The following MDGA2 variants were observed in gnomAD, a reference collection of about 807,000 sequenced individuals.
MDGA2 encodes MAM domain containing glycosylphosphatidylinositol anchor 2, also known as MAM domain-containing glycosylphosphatidylinositol anchor protein 2.
MDGA2 carries 40 observed loss-of-function variants against 117.8 expected under a neutral mutation model. The observed-to-expected ratio is 0.34, with a 90% CI of 0.26 to 0.44. MDGA2 has a LOEUF of 0.44. Among genes scored for constraint, MDGA2 ranks in the 20% least tolerant of loss-of-function variants. The pLI is 1.00. For synonymous variants in MDGA2, 452 were observed against 439.0 expected, an observed-to-expected ratio of 1.03 and a Z score of -0.37; for missense variants, 1,123 against 1,250.6, an observed-to-expected ratio of 0.90 and a Z score of 1.54.
At chr14:46,989,454 G>C (rs74572904) in intron 8 of MDGA2, among the ~76,000 whole-genome samples, 1,764 of 152,144 alleles carry the variant, frequency 0.012, 47 homozygotes, top group African/African-American at 0.04. Context: ...CATCTTGGCA[G>C]GTGACAATAT....
rs1883562854 is a variant in MDGA2 at position 47,159,974 on chromosome 14, A to G, written c.596-15700T>C. Among the ~76,000 whole-genome samples, 4 of 152,184 alleles carry G rather than the reference A, an allele frequency of 2.6e-5. No individual in the cohort carries two copies. The South Asian group carries it at 8.3e-4, about 31-fold the overall frequency. On this transcript the variant is annotated intron_variant, in intron 3 of 16. Coordinates refer to ENST00000399232, the MANE Select transcript of MDGA2 (RefSeq NM_001113498.3). ...ATAGCTTTGGTTGGCAAAATATAAT[A>G]AAGTATGGCTAGTTTTCCCCTAGAT...
intron 2 of MDGA2, among the ~76,000 whole-genome samples, chr14:47,233,598 T>C (rs1049287971): frequency 3.9e-5 from 6 of 152,146 alleles, no homozygotes; most frequent in African/African-American, 1.2e-4. Flanking sequence ...TAAAGCAAGA[T>C]GGCAGAGGGA....
intron 9 of MDGA2, among the ~76,000 whole-genome samples, chr14:46,945,819 T>C (rs1383083733): frequency 6.6e-6 from 1 of 152,064 alleles, no homozygotes; most frequent in Non-Finnish European, 1.5e-5. Flanking sequence ...TAACCTCATG[T>C]AGTTTGTCCA....
At chr14:46,913,953 C>T (rs1014952695) in intron 10 of MDGA2, among the ~76,000 whole-genome samples, 2 of 151,852 alleles carry the variant, frequency 1.3e-5, no homozygotes, top group African/African-American at 4.8e-5. Context: ...TACAACATGA[C>T]TTAAAAAAGG....
At chr14:46,927,181 A>T (rs1476305288) in intron 9 of MDGA2, among the ~76,000 whole-genome samples, 1 of 152,178 alleles carries the variant, frequency 6.6e-6, no homozygotes, top group African/African-American at 2.4e-5. Flanking sequence ...ACTTTGAGGA[A>T]AGTAAGATTT....
At chr14:47,551,877 G>A (rs954899713) in intron 1 of MDGA2, among the ~76,000 whole-genome samples, 18 of 151,520 alleles carry the variant, frequency 1.2e-4, no homozygotes, top group African/African-American at 3.6e-4. Context: ...TTTTTGGAGC[G>A]GTAAGAGGAA....
chr14:47,514,795 T>C lies in MDGA2; in HGVS notation c.280+159722A>G, dbSNP rs570123003. On this transcript the variant is annotated intron_variant, in intron 1 of 16. Transcript: ENST00000399232. ...CATTTATTTCTTTGATACTCTTAGA[T>C]ACTGCTTGTCAGCCAAAACATCTGA... is the stretch of plus-strand genomic sequence containing the variant. 3.3e-5 allele frequency among the ~76,000 whole-genome samples: 5 copies of C among 152,240 alleles called. No homozygotes were observed. In the South Asian group the frequency reaches 1.0e-3, roughly 32 times the overall value.
chr14:47,330,081 G>A (rs571699210), intron 1 of MDGA2, among the ~76,000 whole-genome samples: 1 of 151,506 alleles, frequency 6.6e-6, no homozygotes, highest in South Asian at 2.1e-4. Flanking sequence ...AATTTAAAAG[G>A]AAGAACTGCA....
At chr14:47,461,857 C>A (rs1046461188) in intron 1 of MDGA2, among the ~76,000 whole-genome samples, 3 of 152,040 alleles carry the variant, frequency 2.0e-5, no homozygotes, top group African/African-American at 7.2e-5. Flanking sequence ...TTGAAAGGAT[C>A]GAAACAACAA....
intron 3 of MDGA2, among the ~76,000 whole-genome samples, chr14:47,166,367 A>T (rs1645757629): frequency 1.3e-5 from 2 of 152,136 alleles, no homozygotes; most frequent in African/African-American, 4.8e-5. Flanking sequence ...ATTCATTCTT[A>T]AAAACTTTCA....
intron 1 of MDGA2, among the ~76,000 whole-genome samples, chr14:47,364,060 A>G (rs971327882): frequency 2.0e-5 from 3 of 152,008 alleles, no homozygotes; most frequent in African/African-American, 4.8e-5. Context: ...ACACCAAATT[A>G]CATGATTATA....
At position 46,925,115 on chromosome 14, in the gene MDGA2, A is replaced by T. The variant is rs541497145; in HGVS notation, c.2090-4955T>A. ...ACAAAAATATTTATGTTACCATAAA[A>T]TTTTTTTGACTTTTGATACTGCTGG... On this transcript the variant is annotated intron_variant, in intron 9 of 16. Transcript: ENST00000399232. 1.2e-3 allele frequency among the ~76,000 whole-genome samples: 178 copies of T among 152,282 alleles called. 1 individual carries two copies. The highest frequency in any genetic ancestry group is 4.1e-3 in the African/African-American group (170 of 41,560).
At chr14:47,208,134 A>G (rs2044819927) in intron 3 of MDGA2, among the ~76,000 whole-genome samples, 1 of 152,006 alleles carries the variant, frequency 6.6e-6, no homozygotes, top group African/African-American at 2.4e-5. Context: ...CTTATTTTGT[A>G]TGAATCTCAT....
chr14:47,049,428 T>C (rs1889376928), intron 7 of MDGA2, among the ~76,000 whole-genome samples: 1 of 152,100 alleles, frequency 6.6e-6, no homozygotes, highest in Admixed American at 6.6e-5. Context: ...ATCTCTAGAT[T>C]AGTTATAATA....
intron 1 of MDGA2, among the ~76,000 whole-genome samples, chr14:47,563,665 C>T (rs151029691): frequency 5.2e-5 from 7 of 134,962 alleles, no homozygotes; most frequent in South Asian, 2.4e-4. Context: ...TGTCACCACA[C>T]GTGAGATGGG....
intron 1 of MDGA2, among the ~76,000 whole-genome samples, chr14:47,664,681 A>G (rs898895943): frequency 1.3e-5 from 2 of 152,124 alleles, no homozygotes; most frequent in African/African-American, 4.8e-5. Flanking sequence ...GAAAGCACAT[A>G]CCTCTCTTTT....
intron 3 of MDGA2, among the ~76,000 whole-genome samples, chr14:47,160,434 C>A (rs1258359547): frequency 6.6e-6 from 1 of 152,122 alleles, no homozygotes; most frequent in Non-Finnish European, 1.5e-5. Flanking sequence ...TGGCTCATGC[C>A]TATAATCCCA....
intron 1 of MDGA2, among the ~76,000 whole-genome samples, chr14:47,480,246 T>A (rs564985933): frequency 6.6e-6 from 1 of 152,202 alleles, no homozygotes; most frequent in African/African-American, 2.4e-5. Context: ...TATCAAGGTT[T>A]ACAAATTCTT....
chr14:46,935,682 C>T (rs922987213), intron 9 of MDGA2, among the ~76,000 whole-genome samples: 1 of 152,144 alleles, frequency 6.6e-6, no homozygotes, highest in Non-Finnish European at 1.5e-5. Flanking sequence ...TTCCACCAGT[C>T]CATGATAAAT....
Sources: allele counts gnomAD v4.1 joint callset (sites outside exome capture counted in the v4.1 genomes callset), GRCh38; gene constraint gnomAD v4.1.1; transcripts MANE v1.5; gene names NCBI Gene and HGNC (gene_info 2026-07-23, HGNC 2026-07-21).